SYTL1: variants seen among roughly 807,000 people sequenced by gnomAD.
SYTL1 encodes the protein synaptotagmin-like protein 1.
SYTL1 carries 53 observed loss-of-function variants against 74.6 expected under a neutral mutation model. The observed-to-expected ratio is 0.71, with a 90% CI of 0.57 to 0.89. The LOEUF is 0.89. SYTL1 is among the 40% of genes least tolerant of loss of function. The pLI is 0.00. For missense variants in SYTL1, 728 were observed against 768.7 expected (o/e 0.95, Z 0.63); for synonymous variants, 329 against 324.9 (o/e 1.01, Z -0.14).
At chr1:27,353,083 G>A in intron 13 of SYTL1, 200 bp from the exon 14 acceptor site, 1 of 616,136 alleles carries the variant, frequency 1.6e-6, no homozygotes, top group Non-Finnish European at 2.9e-6. Flanking sequence ...ACCTCGCCCG[G>A]CCAGGAGCTG....
At position 27,349,097 on chromosome 1, in the gene SYTL1, G is replaced by T; in HGVS notation, c.477G>T (p.Ser159=). ...TCCTTCAGGGACCTGATTTCCCATC[G>T]CCTTCTGTCCCCCTAAAGGCTTCAG... ...LRETEGPDFP[S]PSVPLKASDP... Residue 159 remains serine (S), a synonymous_variant, in exon 6 of 15, where the codon TCG becomes TCT. Transcript: ENST00000616558. 6.2e-7 allele frequency: 1 copy of T among 1,613,778 alleles called. No individual in the cohort carries two copies. Among genetic ancestry groups the T allele is most frequent in the South Asian group, 1.1e-5 (1 of 91,062 alleles).
At position 27,351,328 on chromosome 1, in the gene SYTL1, G is replaced by A. The variant is rs377305922; in HGVS notation, c.1235G>A (p.Gly412Asp). Residue 412 changes from glycine to aspartate, a missense_variant, in exon 12 of 15, where the codon GGC becomes GAC. Transcript: ENST00000616558. The surrounding 1 kb of genome is among the most constrained non-coding windows in gnomAD (Gnocchi z 5.0). ...LALSLKYVPA[G>D]SEGAGLPPSG... ...CTGTCCCTCAAGTACGTCCCCGCCG[G>A]CTCCGAGGGTGAGTGACAGCCGGAG... 133 of 1,553,340 alleles carry A rather than the reference G, an allele frequency of 8.6e-5. No individual in the cohort carries two copies. Among genetic ancestry groups the A allele is most frequent in the Admixed American group, 2.1e-4 (11 of 51,342 alleles).
rs1215075371 is a variant in SYTL1, at chr1:27,350,446, G to A, written c.966G>A (p.Lys322=). The part of the protein sequence containing the change: ...DKQSKRKTAV[K]KRNLNPVFNE... The stretch of plus-strand genomic sequence containing the variant: ...AGAGCAAGCGCAAGACGGCGGTGAA[G>A]AAACGGAATCTGAATCCGGTTTTCA... The change falls in exon 10 of 15, where the codon AAG becomes AAA. Residue 322 remains lysine, a synonymous_variant. Coordinates refer to ENST00000616558, the MANE Select transcript of SYTL1 (RefSeq NM_001193308.2). This position sits in a 1 kb window ranked among gnomAD's most constrained non-coding sequence, Gnocchi z 6.3. 4 of 1,613,990 alleles carry A rather than the reference G, an allele frequency of 2.5e-6. No homozygotes were observed. The highest frequency in any genetic ancestry group is 3.4e-6 in the Non-Finnish European group (4 of 1,180,018).
In SYTL1 at chr1:27,347,284, C is replaced by T. The variant is rs1319104998; in HGVS notation, c.192-137C>T. On this transcript the variant is annotated intron_variant, in intron 2 of 14. Transcript: ENST00000616558. This position sits in a 1 kb window ranked among gnomAD's most constrained non-coding sequence, Gnocchi z 4.9. ...TCTGGACTTGGTCTCCCCAGCAGCC[C>T]GAGCTCCTCCACAGCACAGATCAAG... 6 of 1,113,288 alleles carry T rather than the reference C, an allele frequency of 5.4e-6. No homozygotes were observed. Among genetic ancestry groups the T allele is most frequent in the Middle Eastern group, 2.6e-4 (1 of 3,888 alleles). The allele number at this position is 1,113,288 out of a possible 1,614,324, so 69.0% of individuals were successfully genotyped here.
In SYTL1 at chr1:27,343,574, G is replaced by A. The variant is rs574740762; in HGVS notation, c.-39+1424G>A. 2.4e-4 allele frequency among the ~76,000 whole-genome samples: 37 copies of A among 152,168 alleles called. No individual in the cohort carries two copies. The highest frequency in any genetic ancestry group is 8.2e-4 in the African/African-American group (34 of 41,510). On this transcript the variant is annotated intron_variant, in intron 1 of 14. Coordinates refer to ENST00000616558, the MANE Select transcript of SYTL1 (RefSeq NM_001193308.2). This position sits in a 1 kb window ranked among gnomAD's most constrained non-coding sequence, Gnocchi z 5.2. ...ACCCAGGCTGTGAGGTTCCTGGTGC[G>A]GGGGAGTGAGCAGATGTGTGTGTGT...
chr1:27,349,876 T>C, intron 8 of SYTL1, 96 bp from the exon 9 acceptor site: 4 of 1,536,072 alleles, frequency 2.6e-6, no homozygotes, highest in Non-Finnish European at 3.5e-6. Flanking sequence ...CCCCCCAGCC[T>C]GCCACCTATG....
intron 8 of SYTL1, 50 bp downstream of exon 8, chr1:27,349,815 G>A (rs544976952): frequency 1.3e-6 from 2 of 1,550,518 alleles, no homozygotes; most frequent in Non-Finnish European, 1.7e-6. Context: ...GACCCGTTCC[G>A]ATGCGTAGCC....
Position 27,349,169 on chromosome 1 carries a change from G to A in SYTL1, c.532+17G>A, listed in dbSNP as rs376596921. ...CCCAGGAAGGTGAGTGGGAGCGCCT[G>A]TTGGGGAGCACGGAGAGGTTTCGCG... is the stretch of plus-strand genomic sequence containing the variant. On this transcript the variant is annotated intron_variant, in intron 6 of 14. Coordinates refer to ENST00000616558, the MANE Select transcript of SYTL1 (RefSeq NM_001193308.2). 17 of 1,611,934 alleles carry A rather than the reference G, an allele frequency of 1.1e-5. No homozygotes were observed. The highest frequency in any genetic ancestry group is 1.4e-5 in the Non-Finnish European group (17 of 1,178,280).
At position 27,347,898 on chromosome 1, in the gene SYTL1, G is replaced by A. The variant is rs537125968; in HGVS notation, c.413+18G>A. 3.3e-5 allele frequency: 54 copies of A among 1,614,116 alleles called. No individual in the cohort carries two copies. The highest frequency in any genetic ancestry group is 2.3e-4 in the Admixed American group (14 of 60,026). On this transcript the variant is annotated intron_variant, in intron 4 of 14. Coordinates refer to ENST00000616558, the MANE Select transcript of SYTL1 (RefSeq NM_001193308.2). This position sits in a 1 kb window ranked among gnomAD's most constrained non-coding sequence, Gnocchi z 4.9. The stretch of plus-strand genomic sequence containing the variant: ...GAGCCCAGGTGAGGAGGAGTCTCAG[G>A]AAGGGGGAGATGGTGCCCACCAGTC...
At position 27,342,854 on chromosome 1, in the gene SYTL1, C is replaced by T. The variant is rs1034818744; in HGVS notation, c.-39+704C>T. Reference sequence around the variant, plus strand: ...ACCCCAATCCACAGGGGAGGCCGAACGTGGGCTCACACCCCAATCCACAGG... The same window carrying T: ...ACCCCAATCCACAGGGGAGGCCGAATGTGGGCTCACACCCCAATCCACAGG... On this transcript the variant is annotated intron_variant, in intron 1 of 14. Coordinates refer to ENST00000616558, the MANE Select transcript of SYTL1 (RefSeq NM_001193308.2). The surrounding 1 kb of genome is among the most constrained non-coding windows in gnomAD (Gnocchi z 4.7). 6.6e-6 allele frequency among the ~76,000 whole-genome samples: 1 copy of T among 152,114 alleles called. No individual in the cohort carries two copies. The highest frequency in any genetic ancestry group is 1.5e-5 in the Non-Finnish European group (1 of 67,998).
chr1:27,350,293 C>A lies in SYTL1; in HGVS notation c.909-96C>A. On this transcript the variant is annotated intron_variant, in intron 9 of 14. Transcript: ENST00000616558. The surrounding 1 kb of genome is among the most constrained non-coding windows in gnomAD (Gnocchi z 6.3). ...TCCCTGTAAAGCGCTTAGCACGAGG[C>A]CTGGCACGTGTTCGGGATGGTGGCT... The A allele has an allele frequency of 6.7e-7, 1 of 1,484,996 alleles. No individual in the cohort carries two copies. The highest frequency in any genetic ancestry group is 9.4e-7 in the Non-Finnish European group (1 of 1,062,724). 92.0% of individuals were successfully genotyped at this position (1,484,996 alleles called of 1,614,324 possible). A position where few individuals can be genotyped will look rare whatever the true frequency, so the allele number is the denominator to read the frequency against.
chr1:27,350,914 T>G lies in SYTL1; in HGVS notation c.1126T>G (p.Trp376Gly), dbSNP rs1334612564. The G allele has an allele frequency of 1.2e-6, 2 of 1,613,466 alleles. No homozygotes were observed. Among genetic ancestry groups the G allele is most frequent in the Non-Finnish European group, 1.7e-6 (2 of 1,179,938 alleles). The part of the protein sequence containing the change: ...EVEVPLDTWD[W>G]GSEPTWLPLQ... Reference sequence around the variant, plus strand: ...TGAAGTGCCCCTGGACACGTGGGACTGGGGCTCTGAGCCCACCTGGCTCCC... The same window carrying G: ...TGAAGTGCCCCTGGACACGTGGGACGGGGGCTCTGAGCCCACCTGGCTCCC... Residue 376 changes from tryptophan to glycine, a missense_variant, in exon 11 of 15, where the codon TGG (tryptophan) becomes GGG (glycine). Coordinates refer to ENST00000616558, the MANE Select transcript of SYTL1 (RefSeq NM_001193308.2). The surrounding 1 kb of genome is among the most constrained non-coding windows in gnomAD (Gnocchi z 6.3).
In SYTL1 at chr1:27,342,850, C is replaced by T. The variant is rs894988840; in HGVS notation, c.-39+700C>T. ...TCACACCCCAATCCACAGGGGAGGC[C>T]GAACGTGGGCTCACACCCCAATCCA... On this transcript the variant is annotated intron_variant, in intron 1 of 14. Transcript: ENST00000616558. This position sits in a 1 kb window ranked among gnomAD's most constrained non-coding sequence, Gnocchi z 4.7. Among the ~76,000 whole-genome samples, 1 of 151,692 alleles carries T rather than the reference C, an allele frequency of 6.6e-6. No homozygotes were observed. The highest frequency in any genetic ancestry group is 1.9e-4 in the East Asian group (1 of 5,178).
In SYTL1 at chr1:27,347,380, T is replaced by G. The variant is rs769404144; in HGVS notation, c.192-41T>G. The G allele has an allele frequency of 6.2e-7, 1 of 1,613,546 alleles. No homozygotes were observed. Among genetic ancestry groups the G allele is most frequent in the Admixed American group, 1.7e-5 (1 of 60,008 alleles). ...ACAATGTAGGTGGCGGGAATGTTGC[T>G]TGGGTGAGTCATGACAGCCACACCC... is the stretch of plus-strand genomic sequence containing the variant. On this transcript the variant is annotated intron_variant, in intron 2 of 14. Coordinates refer to ENST00000616558, the MANE Select transcript of SYTL1 (RefSeq NM_001193308.2). This position sits in a 1 kb window ranked among gnomAD's most constrained non-coding sequence, Gnocchi z 4.9.
Position 27,353,424 on chromosome 1 carries a change from CCT to C in SYTL1, c.1488_1489del (p.Trp497GlyfsTer35). On this transcript the variant is annotated frameshift_variant, in exon 14 of 15. Coordinates refer to ENST00000616558, the MANE Select transcript of SYTL1 (RefSeq NM_001193308.2). LOFTEE classifies it high-confidence loss of function. The part of the protein sequence containing the change: ...DLRQACAELS[L>X]WDHGALANRQ... ...TGCGCCAGGCTTGTGCCGAGCTCTC[CCT>C]CTGGGACCATGGGGCCCTGGCCAAC... The C allele has an allele frequency of 6.2e-7, 1 of 1,610,800 alleles. No individual in the cohort carries two copies. Among genetic ancestry groups the C allele is most frequent in the South Asian group, 1.1e-5 (1 of 90,238 alleles).
At position 27,350,580 on chromosome 1, in the gene SYTL1, C is replaced by T. The variant is rs2015223672; in HGVS notation, c.1005+95C>T. On this transcript the variant is annotated intron_variant, in intron 10 of 14. Transcript: ENST00000616558. The surrounding 1 kb of genome is among the most constrained non-coding windows in gnomAD (Gnocchi z 6.3). ...CAAGGGCAGCCAGTAACGTCATTGCCCGGAGGATCGGCGGAGGGGGCCCAT... is the reference window on the plus strand; with the variant it reads ...CAAGGGCAGCCAGTAACGTCATTGCTCGGAGGATCGGCGGAGGGGGCCCAT... The T allele has an allele frequency of 8.4e-7, 1 of 1,191,792 alleles. No individual in the cohort carries two copies. The highest frequency in any genetic ancestry group is 1.9e-5 in the Admixed American group (1 of 52,110). 73.8% of individuals were successfully genotyped at this position (1,191,792 alleles called of 1,614,324 possible). A position where few individuals can be genotyped will look rare whatever the true frequency, so the allele number is the denominator to read the frequency against.
Position 27,347,877 on chromosome 1 carries a change from C to T in SYTL1, c.410C>T (p.Pro137Leu). 6.2e-7 allele frequency: 1 copy of T among 1,614,130 alleles called. No homozygotes were observed. Among genetic ancestry groups the T allele is most frequent in the Non-Finnish European group, 8.5e-7 (1 of 1,179,990 alleles). Residue 137 changes from proline to leucine, a missense_variant, in exon 4 of 15, where the codon CCC becomes CTC. Coordinates refer to ENST00000616558, the MANE Select transcript of SYTL1 (RefSeq NM_001193308.2). The surrounding 1 kb of genome is among the most constrained non-coding windows in gnomAD (Gnocchi z 4.9). Reference protein sequence around the residue: ...AVKEKEEGPEPRLTIDEAPQE... With the variant: ...AVKEKEEGPELRLTIDEAPQE... ...AAAGAGAAGGAAGAGGGGCCAGAGC[C>T]CAGGTGAGGAGGAGTCTCAGGAAGG...
intron 2 of SYTL1, among the ~76,000 whole-genome samples, chr1:27,346,181 G>A (rs1000238134): frequency 2.0e-5 from 3 of 152,068 alleles, no homozygotes; most frequent in African/African-American, 4.8e-5. Context: ...GTCGGTCCTT[G>A]CCAGCCCCCA....
Position 27,347,748 on chromosome 1 carries a change from C to G in SYTL1, c.341-60C>G. The stretch of plus-strand genomic sequence containing the variant: ...GGGTGGGTATCTCCCAGGGCCTCTC[C>G]CGAGTCACAGCCAGGCTTCCTGAGC... On this transcript the variant is annotated intron_variant, in intron 3 of 14. Transcript: ENST00000616558. This position sits in a 1 kb window ranked among gnomAD's most constrained non-coding sequence, Gnocchi z 4.9. 6.4e-7 allele frequency: 1 copy of G among 1,574,464 alleles called. No individual in the cohort carries two copies. Among genetic ancestry groups the G allele is most frequent in the South Asian group, 1.2e-5 (1 of 84,574 alleles).
Sources: allele counts gnomAD v4.1 joint callset (sites outside exome capture counted in the v4.1 genomes callset), GRCh38; gene constraint gnomAD v4.1.1; non-coding constraint Gnocchi (gnomAD v3.1); transcripts MANE v1.5; gene names NCBI Gene and HGNC (gene_info 2026-07-23, HGNC 2026-07-21).